The following CD1B variants were observed in gnomAD, a reference collection of about 807,000 sequenced individuals.
CD1B encodes the protein T-cell surface glycoprotein CD1b.
Under a neutral mutation model 39.8 loss-of-function variants are expected in CD1B, and 43 were observed. That is an observed-to-expected ratio of 1.08 (90% CI 0.85 to 1.39). The LOEUF (loss-of-function observed/expected upper bound fraction) is 1.39. Ranked by LOEUF, CD1B falls within the 40% of genes most tolerant of loss-of-function variation. The pLI is 0.00. For missense variants in CD1B, 495 were observed against 403.8 expected (o/e 1.23, Z -1.94); for synonymous variants, 192 against 152.5 (o/e 1.26, Z -1.91).
rs964381246 is a variant in CD1B, at chr1:158,330,731, A to G, written c.328+65T>C. ...AGGGAGAAGCATCAGAGAGAGCAAC[A>G]CTTTGCAAAAAAGAGAGAAAAGAGA... is the stretch of plus-strand genomic sequence containing the variant. On this transcript the variant is annotated intron_variant, in intron 2 of 5. Coordinates refer to ENST00000368168, the MANE Select transcript of CD1B (RefSeq NM_001764.3). The G allele has an allele frequency of 6.6e-6, 10 of 1,513,688 alleles. No homozygotes were observed. In the African/African-American group the frequency reaches 1.2e-4, roughly 19 times the overall value. The allele number at this position is 1,513,688 out of a possible 1,614,324, so 93.8% of individuals were successfully genotyped here.
At chr1:158,290,246 T>C in the CD1B span, 1 of 809,718 alleles carries the variant, frequency 1.2e-6, no homozygotes, top group Non-Finnish European at 2.0e-6. Context: ...TGTCTCCAGG[T>C]CCAGTTTACT....
intron 2 of CD1B, chr1:158,330,526 T>C: frequency 1.6e-6 from 1 of 638,192 alleles, no homozygotes; most frequent in South Asian, 1.6e-5. Flanking sequence ...GTAAGGGCCC[T>C]TGAGGAGAAG....
At chr1:158,293,651 C>G in the CD1B span, 2 of 1,461,358 alleles carry the variant, frequency 1.4e-6, no homozygotes, top group East Asian at 2.4e-5. Flanking sequence ...GGAATCTCCA[C>G]TTTTTATATA....
rs1652428021 is a variant in CD1B, at chr1:158,328,117, G to A, written c.*119C>T. Reference sequence around the variant, plus strand: ...AATAATAATTTATTTTAAAATACATGAAAACTCTGATTTCATCAAATTTGA... The same window carrying A: ...AATAATAATTTATTTTAAAATACATAAAAACTCTGATTTCATCAAATTTGA... On this transcript the variant is annotated 3_prime_UTR_variant, in exon 6 of 6. Coordinates refer to ENST00000368168, the MANE Select transcript of CD1B (RefSeq NM_001764.3). 7.5e-6 allele frequency: 6 copies of A among 804,172 alleles called. No individual in the cohort carries two copies. The highest frequency in any genetic ancestry group is 2.4e-4 in the Middle Eastern group (1 of 4,254). 49.8% of individuals were successfully genotyped at this position (804,172 alleles called of 1,614,324 possible).
chr1:158,329,481 A>T lies in CD1B; in HGVS notation c.775T>A (p.Trp259Arg). ...AGGGTTGCTCGGAGATACCATGTCC[A>T]GTTAGCATTGGGCAGGATGTCCCCT... ...QLGDILPNAN[W>R]TWYLRATLDV... The change falls in exon 4 of 6, where the codon TGG (tryptophan) becomes AGG (arginine). Residue 259 changes from tryptophan (W) to arginine (R), a missense_variant. Trp to Arg is a moderately radical substitution (Grantham distance 101). Coordinates refer to ENST00000368168, the MANE Select transcript of CD1B (RefSeq NM_001764.3). 7 of 1,614,156 alleles carry T rather than the reference A, an allele frequency of 4.3e-6. No homozygotes were observed. Among genetic ancestry groups the T allele is most frequent in the Non-Finnish European group, 5.9e-6 (7 of 1,180,032 alleles).
the CD1B span, chr1:158,290,188 C>T: frequency 1.1e-5 from 16 of 1,420,772 alleles, no homozygotes; most frequent in East Asian, 2.3e-5. Context: ...TGGGCTTTCC[C>T]GAGATGGATC....
the CD1B span, among the ~76,000 whole-genome samples, chr1:158,286,446 T>C: frequency 6.6e-6 from 1 of 152,240 alleles, no homozygotes; most frequent in Non-Finnish European, 1.5e-5. Context: ...GTGTATAAAA[T>C]TGTCATACTT....
downstream of CD1B, chr1:158,327,905 C>G (rs3176847): frequency 0.017 from 3,556 of 205,044 alleles, 130 homozygotes; most frequent in African/African-American, 0.076. Context: ...TAACCAGAAG[C>G]AGAAAAAGAA....
chr1:158,321,468 T>C, the CD1B span, among the ~76,000 whole-genome samples: 1 of 152,242 alleles, frequency 6.6e-6, no homozygotes, highest in South Asian at 2.1e-4. Flanking sequence ...TTAGCTACTT[T>C]ATGTTGTTTA....
the CD1B span, among the ~76,000 whole-genome samples, chr1:158,291,572 C>T: frequency 6.6e-6 from 1 of 152,094 alleles, no homozygotes; most frequent in Non-Finnish European, 1.5e-5. Context: ...TTCCTAGGCT[C>T]TTGCTATTTT....
At chr1:158,328,534 A>G (rs1299099206) in intron 5 of CD1B, among the ~76,000 whole-genome samples, 1 of 152,222 alleles carries the variant, frequency 6.6e-6, no homozygotes, top group African/African-American at 2.4e-5. Flanking sequence ...TAAGGTACCT[A>G]GAATAGTAGA....
the CD1B span, among the ~76,000 whole-genome samples, chr1:158,320,568 T>G: frequency 6.6e-6 from 1 of 152,040 alleles, no homozygotes; most frequent in Non-Finnish European, 1.5e-5. Context: ...TGGCACTCCC[T>G]AGTGAGACGA....
chr1:158,321,174 T>C, the CD1B span, among the ~76,000 whole-genome samples: 1 of 152,254 alleles, frequency 6.6e-6, no homozygotes, highest in Non-Finnish European at 1.5e-5. Context: ...GCTTTATATA[T>C]TTGTATGTTC....
chr1:158,329,671 A>T, intron 3 of CD1B, 23 bp from the exon 4 acceptor site: 1 of 1,610,182 alleles, frequency 6.2e-7, no homozygotes, highest in Non-Finnish European at 8.5e-7. Flanking sequence ...GGAGAAAAAA[A>T]AGTGTCATGT....
the CD1B span, chr1:158,293,678 G>A: frequency 4.0e-6 from 5 of 1,252,196 alleles, no homozygotes; most frequent in Non-Finnish European, 5.6e-6. Flanking sequence ...AACCTTCAAA[G>A]CCCATTTCTG....
chr1:158,316,668 G>A, the CD1B span, among the ~76,000 whole-genome samples: 1 of 150,628 alleles, frequency 6.6e-6, no homozygotes, highest in African/African-American at 2.5e-5. Context: ...CTGCCTAATT[G>A]CCCTGGCCAG....
rs1652571288 is a variant in CD1B, at chr1:158,330,842, T to C, written c.282A>G (p.Gly94=). 1.2e-6 allele frequency: 2 copies of C among 1,614,154 alleles called. No individual in the cohort carries two copies. The highest frequency in any genetic ancestry group is 1.3e-5 in the African/African-American group (1 of 75,042). Residue 94 remains glycine (G), a synonymous_variant, in exon 2 of 6, where the codon GGA becomes GGG. Transcript: ENST00000368168. ...CAAAGTCTTGTACTTCTCGAGCGAATCCAAAGATGTAGACTCGGAATATCT... is the reference window on the plus strand; with the variant it reads ...CAAAGTCTTGTACTTCTCGAGCGAACCCAAAGATGTAGACTCGGAATATCT... ...LEEIFRVYIF[G]FAREVQDFAG...
chr1:158,305,737 C>A, the CD1B span, among the ~76,000 whole-genome samples: 2 of 151,982 alleles, frequency 1.3e-5, no homozygotes, highest in African/African-American at 4.9e-5. Context: ...GATCTCTCAG[C>A]AGAAACTCTA....
In CD1B at chr1:158,329,557, G is replaced by A. The variant is rs1488647137; in HGVS notation, c.699C>T (p.Pro233=). ...CACCCCGCATCCACATCACCCACAC[G>A]GGCTTTGGGTAGAATCCTGAGACAT... The part of the protein sequence containing the change: ...VCHVSGFYPK[P]VWVMWMRGEQ... The change falls in exon 4 of 6, where the codon CCC becomes CCT. Residue 233 remains proline, a synonymous_variant. Coordinates refer to ENST00000368168, the MANE Select transcript of CD1B (RefSeq NM_001764.3). The A allele has an allele frequency of 5.6e-6, 9 of 1,613,918 alleles. No individual in the cohort carries two copies. Among genetic ancestry groups the A allele is most frequent in the East Asian group, 2.2e-5 (1 of 44,838 alleles).
Sources: gnomAD v4.1 joint callset for allele counts (sites outside exome capture counted in the v4.1 genomes callset) on GRCh38, gnomAD v4.1.1 for gene constraint, MANE v1.5 for transcripts, NCBI Gene and HGNC (gene_info 2026-07-23, HGNC 2026-07-21) for gene names.